Variants in TPPP observed in about 807,000 individuals in gnomAD.
TPPP encodes the protein tubulin polymerization-promoting protein.
TPPP carries 6 observed loss-of-function variants against 15.5 expected under a neutral mutation model. The ratio of observed to expected loss-of-function variants is 0.39; its 90% CI spans 0.21 to 0.77. The LOEUF (loss-of-function observed/expected upper bound fraction) is 0.77, where lower values mean the gene tolerates loss of function less well. Among genes scored for constraint, TPPP ranks in the 30% least tolerant of loss-of-function variants. The pLI is 0.42. For synonymous variants in TPPP, 146 were observed against 133.9 expected, an observed-to-expected ratio of 1.09 and a Z score of -0.63; for missense variants, 269 against 307.2, an observed-to-expected ratio of 0.88 and a Z score of 0.93.
the TPPP span, among the ~76,000 whole-genome samples, chr5:699,088 C>T: frequency 6.6e-6 from 1 of 151,860 alleles, no homozygotes; most frequent in Non-Finnish European, 1.5e-5. Context: ...TCATACTGTT[C>T]AAAGCAATCT....
intron 2 of TPPP, 147 bp downstream of exon 2, chr5:677,603 G>C: frequency 1.4e-6 from 1 of 700,406 alleles, no homozygotes; most frequent in Non-Finnish European, 2.2e-6. Context: ...AGGCTCCCAT[G>C]TCAGGGCTGC....
upstream of TPPP, among the ~76,000 whole-genome samples, chr5:697,135 G>A (rs2126920874): frequency 6.6e-6 from 1 of 151,672 alleles, no homozygotes; most frequent in Non-Finnish European, 1.5e-5. Flanking sequence ...TGGAATTGCT[G>A]TGGAACATGG....
chr5:676,800 G>GCAAATGCAGAAA, intron 2 of TPPP, among the ~76,000 whole-genome samples: 2 of 146,638 alleles, frequency 1.4e-5, no homozygotes, highest in South Asian at 4.2e-4. Flanking sequence ...AAACGCACGT[G>GCAAATGCAGAAA]CACATGCAGA....
Position 664,975 on chromosome 5 carries a change from C to G in TPPP, c.*127G>C. 8.6e-7 allele frequency: 1 copy of G among 1,163,050 alleles called. No individual in the cohort carries two copies. The highest frequency in any genetic ancestry group is 1.5e-5 in the South Asian group (1 of 66,022). The allele number at this position is 1,163,050 out of a possible 1,614,324, so 72.0% of individuals were successfully genotyped here. A position where few individuals can be genotyped will look rare whatever the true frequency, so the allele number is the denominator to read the frequency against. ...CAGGAGGGAGGCCTGGGCCTGGCCG[C>G]CCCCCAGCCCCCTCTGGGGCACCCG... is the stretch of plus-strand genomic sequence containing the variant. On this transcript the variant is annotated 3_prime_UTR_variant, in exon 4 of 4. Coordinates refer to ENST00000360578, the MANE Select transcript of TPPP (RefSeq NM_007030.3).
At chr5:671,396 T>G (rs1184523637) in intron 2 of TPPP, among the ~76,000 whole-genome samples, 2 of 152,176 alleles carry the variant, frequency 1.3e-5, no homozygotes, top group East Asian at 3.9e-4. Context: ...GGGGCTCGGC[T>G]GCCTCCATCC....
chr5:679,785 T>C (rs1306250154), intron 1 of TPPP, among the ~76,000 whole-genome samples: 1 of 151,366 alleles, frequency 6.6e-6, no homozygotes, highest in Non-Finnish European at 1.5e-5. Flanking sequence ...TCTGAGAACC[T>C]GCACCCCGTG....
intron 1 of TPPP, among the ~76,000 whole-genome samples, chr5:684,591 G>T: frequency 1.4e-5 from 1 of 72,592 alleles, no homozygotes; most frequent in East Asian, 3.5e-4. Flanking sequence ...GGGCCTTCTA[G>T]GACCTGGAGC....
rs373788659 is a variant in TPPP at position 678,873 on chromosome 5, C to T, written c.-4-809G>A. On this transcript the variant is annotated intron_variant, in intron 1 of 3. Coordinates refer to ENST00000360578, the MANE Select transcript of TPPP (RefSeq NM_007030.3). ...CAGGGCTTGGGGACGCAGGGCTACG[C>T]CACAGGGCAGGGCTGCCGAGGCCAC... is the stretch of plus-strand genomic sequence containing the variant. Among the ~76,000 whole-genome samples, 266 of 152,314 alleles carry T rather than the reference C, an allele frequency of 1.7e-3. 1 individual carries two copies. Among genetic ancestry groups the T allele is most frequent in the South Asian group, 9.1e-3 (44 of 4,828 alleles).
chr5:664,835 G>A lies in TPPP; in HGVS notation c.*267C>T, dbSNP rs1007772445. The A allele has an allele frequency of 1.6e-5, 8 of 487,136 alleles. No homozygotes were observed. Among genetic ancestry groups the A allele is most frequent in the East Asian group, 7.0e-5 (2 of 28,458 alleles). 30.2% of individuals were successfully genotyped at this position (487,136 alleles called of 1,614,324 possible). ...CCACGTGCCCAGTGTGGTGTGATCC[G>A]CGAGACACTTTGGAAATGGCTGAGG... On this transcript the variant is annotated 3_prime_UTR_variant, in exon 4 of 4. Transcript: ENST00000360578.
At chr5:693,150 A>T (rs1740937825) in intron 1 of TPPP, 128 bp downstream of exon 1, 1 of 70,636 alleles carries the variant, frequency 1.4e-5, no homozygotes, top group Non-Finnish European at 3.1e-5. Context: ...CGGTCCGGGA[A>T]GGGGGCTCGG....
At chr5:668,673 T>C (rs1740060446) in intron 2 of TPPP, among the ~76,000 whole-genome samples, 2 of 152,234 alleles carry the variant, frequency 1.3e-5, no homozygotes, top group South Asian at 4.1e-4. Context: ...GGCCCAGCAG[T>C]CCCGTTCCTG....
At chr5:679,412 GGGGTGGAAGGGCCGCC>G (rs548904840) in intron 1 of TPPP, among the ~76,000 whole-genome samples, 2,469 of 101,212 alleles carry the variant, frequency 0.024, 254 homozygotes, top group African/African-American at 0.11. Flanking sequence ...CAGGATCCTG[GGGGTGGAAGGGCCGCC>G]TGGGGGCAGG....
chr5:682,403 G>A (rs1447909293), intron 1 of TPPP, among the ~76,000 whole-genome samples: 3 of 149,858 alleles, frequency 2.0e-5, no homozygotes, highest in Non-Finnish European at 3.0e-5. Context: ...CCTGTTACTA[G>A]GACCTGGGGT....
intron 1 of TPPP, among the ~76,000 whole-genome samples, chr5:685,645 CG>C (rs1740746579): frequency 6.6e-6 from 1 of 152,216 alleles, no homozygotes; most frequent in Non-Finnish European, 1.5e-5. Context: ...AGGAGCTTCT[CG>C]GGTCAACAGG....
rs1294153604 is a variant in TPPP at position 666,218 on chromosome 5, C to T, written c.312-95G>A. 9.9e-6 allele frequency: 14 copies of T among 1,409,238 alleles called. No homozygotes were observed. The African/African-American group carries it at 1.7e-4, about 17-fold the overall frequency. The allele number at this position is 1,409,238 out of a possible 1,614,324, so 87.3% of individuals were successfully genotyped here. A position where few individuals can be genotyped will look rare whatever the true frequency, so the allele number is the denominator to read the frequency against. On this transcript the variant is annotated intron_variant, in intron 2 of 3. Transcript: ENST00000360578. ...TGAGCAGAGCTGGACAGCCATGGCC[C>T]AGCAGCCCACAGGCTTCACCCACAG...
intron 2 of TPPP, chr5:676,251 C>G (rs1234174968): frequency 1.3e-5 from 2 of 152,310 alleles, no homozygotes; most frequent in African/African-American, 4.8e-5. Flanking sequence ...GCAGGACACG[C>G]AGTCTAGGAA....
chr5:684,785 C>G (rs528653259), intron 1 of TPPP, among the ~76,000 whole-genome samples: 5 of 152,290 alleles, frequency 3.3e-5, no homozygotes, highest in Admixed American at 6.5e-5. Flanking sequence ...TCCTGCTCCG[C>G]GGGACTCTCC....
intron 2 of TPPP, among the ~76,000 whole-genome samples, chr5:673,698 G>A (rs1349535936): frequency 6.6e-6 from 1 of 152,180 alleles, no homozygotes; most frequent in Non-Finnish European, 1.5e-5. Context: ...CACACCCCAA[G>A]GCTGGTCCCC....
chr5:670,791 GC>G (rs1404901981), intron 2 of TPPP, among the ~76,000 whole-genome samples: 1 of 152,212 alleles, frequency 6.6e-6, no homozygotes, highest in Non-Finnish European at 1.5e-5. Context: ...GTTTCCCGGG[GC>G]CGACAGAGGT....
Sources: gnomAD v4.1 joint callset for allele counts (sites outside exome capture counted in the v4.1 genomes callset) on GRCh38, gnomAD v4.1.1 for gene constraint, MANE v1.5 for transcripts, NCBI Gene and HGNC (gene_info 2026-07-23, HGNC 2026-07-21) for gene names.